The following PPP2R5E variants were observed in gnomAD, a reference collection of about 807,000 sequenced individuals.
The protein encoded by PPP2R5E is serine/threonine-protein phosphatase 2A 56 kDa regulatory subunit epsilon isoform.
PPP2R5E carries 4 observed loss-of-function variants against 65.3 expected under a neutral mutation model. That is an observed-to-expected ratio of 0.06 (90% CI 0.03 to 0.14). PPP2R5E has a LOEUF of 0.14. PPP2R5E is among the 10% of genes least tolerant of loss of function. The probability of loss-of-function intolerance (pLI) is 1.00; values close to 1 mark genes in which losing one functional copy is unlikely to be tolerated. For missense variants in PPP2R5E, 274 were observed against 556.1 expected, an observed-to-expected ratio of 0.49 and a Z score of 5.10; for synonymous variants, 183 against 187.4, an observed-to-expected ratio of 0.98 and a Z score of 0.19.
In PPP2R5E at chr14:63,375,850, T is replaced by C; in HGVS notation, c.*159A>G. The C allele has an allele frequency of 2.3e-6, 1 of 443,358 alleles. No individual in the cohort carries two copies. Among genetic ancestry groups the C allele is most frequent in the Non-Finnish European group, 3.9e-6 (1 of 254,514 alleles). The allele number at this position is 443,358 out of a possible 1,614,324, so 27.5% of individuals were successfully genotyped here. A position where few individuals can be genotyped will look rare whatever the true frequency, so the allele number is the denominator to read the frequency against. ...TTGGATTGAAGTCCTTATTTTGTTT[T>C]TTCCTTTACTTAGAGACAGGTATAT... On this transcript the variant is annotated 3_prime_UTR_variant, in exon 14 of 14. Transcript: ENST00000337537.
At chr14:63,540,649 G>C (rs1280499826) in intron 1 of PPP2R5E, among the ~76,000 whole-genome samples, 1 of 151,450 alleles carries the variant, frequency 6.6e-6, no homozygotes, top group Admixed American at 6.6e-5. Flanking sequence ...CTTGAACCCG[G>C]GAGGCGGAGT....
intron 2 of PPP2R5E, among the ~76,000 whole-genome samples, chr14:63,533,629 A>G (rs1488832004): frequency 6.6e-6 from 1 of 151,590 alleles, no homozygotes; most frequent in Admixed American, 6.6e-5. Flanking sequence ...TCGGAAATGT[A>G]TAATGAATTG....
chr14:63,387,569 T>C (rs1027932248), intron 11 of PPP2R5E, among the ~76,000 whole-genome samples: 1 of 140,810 alleles, frequency 7.1e-6, no homozygotes, highest in Non-Finnish European at 1.6e-5. Context: ...TTAATAAATG[T>C]TTGTGGATGA....
intron 12 of PPP2R5E, among the ~76,000 whole-genome samples, chr14:63,383,085 G>A (rs1317756498): frequency 1.3e-5 from 2 of 152,096 alleles, no homozygotes; most frequent in Non-Finnish European, 2.9e-5. Context: ...GTTGCTATTA[G>A]CTATGGGACA....
At chr14:63,462,413 G>A (rs976527566) in intron 2 of PPP2R5E, among the ~76,000 whole-genome samples, 7 of 152,048 alleles carry the variant, frequency 4.6e-5, no homozygotes, top group African/African-American at 1.2e-4. Context: ...TAAATCATAC[G>A]TTCTGCAATT....
chr14:63,395,099 G>C, intron 7 of PPP2R5E, 127 bp downstream of exon 7: 1 of 712,560 alleles, frequency 1.4e-6, no homozygotes, highest in Admixed American at 2.4e-5. Context: ...TATGCTAATA[G>C]GCACAAATGA....
intron 2 of PPP2R5E, among the ~76,000 whole-genome samples, chr14:63,505,515 T>A (rs377258768): frequency 1.2e-4 from 19 of 152,134 alleles, no homozygotes; most frequent in African/African-American, 4.6e-4. Context: ...CCCCACCCCT[T>A]CTCCACACTA....
At chr14:63,516,886 T>C (rs1892689109) in intron 2 of PPP2R5E, among the ~76,000 whole-genome samples, 1 of 152,242 alleles carries the variant, frequency 6.6e-6, no homozygotes, top group South Asian at 2.1e-4. Flanking sequence ...TGAATGCTTT[T>C]TAGAGCTCAA....
intron 2 of PPP2R5E, among the ~76,000 whole-genome samples, chr14:63,482,024 T>G (rs1412297839): frequency 6.6e-6 from 1 of 152,240 alleles, no homozygotes; most frequent in Admixed American, 6.5e-5. Context: ...GTTTAATTAT[T>G]AAATGTCAAC....
intron 12 of PPP2R5E, among the ~76,000 whole-genome samples, chr14:63,382,683 G>A (rs942335244): frequency 2.6e-5 from 4 of 152,174 alleles, no homozygotes; most frequent in Non-Finnish European, 4.4e-5. Flanking sequence ...TTATAGGCGT[G>A]AGCCACCACA....
intron 2 of PPP2R5E, among the ~76,000 whole-genome samples, chr14:63,505,749 T>C (rs1047128639): frequency 6.6e-6 from 1 of 152,108 alleles, no homozygotes; most frequent in African/African-American, 2.4e-5. Flanking sequence ...TCAGGCAACA[T>C]TCAGTGACCG....
intron 2 of PPP2R5E, among the ~76,000 whole-genome samples, chr14:63,513,941 T>C (rs61983977): frequency 1.3e-5 from 2 of 152,294 alleles, no homozygotes; most frequent in Admixed American, 1.3e-4. Flanking sequence ...GACACAAAGG[T>C]ACTATGCTCT....
At chr14:63,406,458 G>C (rs1886100868) in intron 5 of PPP2R5E, among the ~76,000 whole-genome samples, 1 of 151,806 alleles carries the variant, frequency 6.6e-6, no homozygotes, top group Non-Finnish European at 1.5e-5. Context: ...GTTTTGTCTG[G>C]CTCTACCAAA....
At chr14:63,379,826 CTTTTTTTT>C (rs558475440) in intron 13 of PPP2R5E, among the ~76,000 whole-genome samples, 5 of 100,300 alleles carry the variant, frequency 5.0e-5, no homozygotes, top group African/African-American at 1.6e-4. Context: ...TATTCTCTCT[CTTTTTTTT>C]TTTTTTTTTT....
At chr14:63,539,205 T>C (rs1357373410) in intron 2 of PPP2R5E, among the ~76,000 whole-genome samples, 1 of 152,212 alleles carries the variant, frequency 6.6e-6, no homozygotes, top group East Asian at 1.9e-4. Context: ...TCATTGTATA[T>C]AATGTATCCC....
Position 63,440,599 on chromosome 14 carries a change from T to C in PPP2R5E, c.354+13090A>G, listed in dbSNP as rs368878699. On this transcript the variant is annotated intron_variant, in intron 3 of 13. Transcript: ENST00000337537. ...TTAGGGGTTTTAGACCTCATTCCTA[T>C]TGGAAAGAATAATTCCAGGAAAGCA... is the stretch of plus-strand genomic sequence containing the variant. Among the ~76,000 whole-genome samples, 12 of 152,028 alleles carry C rather than the reference T, an allele frequency of 7.9e-5. No homozygotes were observed. In the South Asian group the frequency reaches 1.5e-3, roughly 18 times the overall value.
At chr14:63,377,097 C>T (rs72714219) in intron 13 of PPP2R5E, among the ~76,000 whole-genome samples, 2 of 150,272 alleles carry the variant, frequency 1.3e-5, no homozygotes, top group East Asian at 2.0e-4. Context: ...TGCAGCGAGC[C>T]GAGATCACAC....
At chr14:63,467,396 A>G (rs962213061) in intron 2 of PPP2R5E, among the ~76,000 whole-genome samples, 1 of 152,178 alleles carries the variant, frequency 6.6e-6, no homozygotes, top group Non-Finnish European at 1.5e-5. Context: ...ATTTTGATAT[A>G]ATTCAGCATT....
intron 13 of PPP2R5E, among the ~76,000 whole-genome samples, chr14:63,381,483 C>T (rs1884353978): frequency 6.6e-6 from 1 of 152,126 alleles, no homozygotes; most frequent in African/African-American, 2.4e-5. Context: ...AAATGCTGGG[C>T]TCTTAACCCT....
Sources: allele counts gnomAD v4.1 joint callset (sites outside exome capture counted in the v4.1 genomes callset), GRCh38; gene constraint gnomAD v4.1.1; transcripts MANE v1.5; gene names NCBI Gene and HGNC (gene_info 2026-07-23, HGNC 2026-07-21).